Variants in PTPDC1 observed in about 807,000 individuals in gnomAD.
PTPDC1 encodes the protein protein tyrosine phosphatase domain-containing protein 1.
PTPDC1 carries 53 observed loss-of-function variants against 75.3 expected under a neutral mutation model. That is an observed-to-expected ratio of 0.70 (90% CI 0.56 to 0.88). The LOEUF (loss-of-function observed/expected upper bound fraction) is 0.88. Ranked by LOEUF, PTPDC1 falls within the 40% of genes least tolerant of loss-of-function variation. The probability of loss-of-function intolerance (pLI) is 0.00; values close to 1 mark genes in which losing one functional copy is unlikely to be tolerated. For missense variants in PTPDC1, 925 were observed against 998.6 expected, an observed-to-expected ratio of 0.93 and a Z score of 0.99; for synonymous variants, 349 against 366.2, an observed-to-expected ratio of 0.95 and a Z score of 0.54.
intron 1 of PTPDC1, among the ~76,000 whole-genome samples, chr9:94,059,845 A>G (rs528238256): frequency 1.3e-5 from 2 of 152,306 alleles, no homozygotes; most frequent in South Asian, 4.1e-4. Flanking sequence ...GCATCAAAAT[A>G]TATGGACCAG....
chr9:94,065,834 C>G (rs1422004013), intron 2 of PTPDC1, among the ~76,000 whole-genome samples: 5 of 152,190 alleles, frequency 3.3e-5, no homozygotes, highest in African/African-American at 7.2e-5. Context: ...GAAGTACTGT[C>G]TAAAACAAAC....
In PTPDC1 at chr9:94,098,460, T is replaced by C; in HGVS notation, c.1894T>C (p.Ser632Pro). Residue 632 changes from serine (S) to proline (P), a missense_variant, in exon 6 of 9, where the codon TCT becomes CCT. Physicochemically the swap from Ser to Pro is moderately conservative, Grantham distance 74 (BLOSUM62 -1). Transcript: ENST00000620992. ...AGATCTGTCTGAAGCAGCTTCACACTCTGCATTACAGTCTGAATTGAGTGC... is the reference window on the plus strand; with the variant it reads ...AGATCTGTCTGAAGCAGCTTCACACCCTGCATTACAGTCTGAATTGAGTGC... Reference protein sequence around the residue: ...SKDLSEAASHSALQSELSAEA... With the variant: ...SKDLSEAASHPALQSELSAEA... 1.2e-6 allele frequency: 2 copies of C among 1,614,146 alleles called. No homozygotes were observed. Among genetic ancestry groups the C allele is most frequent in the Non-Finnish European group, 1.7e-6 (2 of 1,180,004 alleles).
intron 2 of PTPDC1, among the ~76,000 whole-genome samples, chr9:94,078,036 C>T (rs1169477165): frequency 6.6e-6 from 1 of 152,220 alleles, no homozygotes; most frequent in African/African-American, 2.4e-5. Context: ...AAACACTAAT[C>T]TACTTTCTGT....
chr9:94,102,507 A>G (rs1034972179), intron 7 of PTPDC1, among the ~76,000 whole-genome samples: 1 of 152,094 alleles, frequency 6.6e-6, no homozygotes, highest in Non-Finnish European at 1.5e-5. Context: ...CCTTTTATAT[A>G]ATTTATCATT....
rs775523421 is a variant in PTPDC1, at chr9:94,085,301, C to T, written c.295C>T (p.Arg99Trp). 30 of 1,614,002 alleles carry T rather than the reference C, an allele frequency of 1.9e-5. No homozygotes were observed. The highest frequency in any genetic ancestry group is 8.9e-5 in the East Asian group (4 of 44,898). ...GTACACAAAAGTAGGGGAGCGTTTACGGCATGTCATTCCTGGACACATGGC... is the reference window on the plus strand; with the variant it reads ...GTACACAAAAGTAGGGGAGCGTTTATGGCATGTCATTCCTGGACACATGGC... ...PKYTKVGERL[R>W]HVIPGHMACS... Residue 99 changes from arginine (R) to tryptophan (W), a missense_variant, in exon 2 of 9, where the codon CGG (arginine) becomes TGG (tryptophan). Transcript: ENST00000620992.
chr9:94,031,095 G>C (rs915071213), exon 1 of PTPDC1: 3 of 152,252 alleles, frequency 2.0e-5, no homozygotes, highest in African/African-American at 7.2e-5. Flanking sequence ...ACCCCAGCCG[G>C]CGCCGAGGGC....
chr9:94,063,398 C>T (rs1445706192), intron 1 of PTPDC1, among the ~76,000 whole-genome samples: 1 of 152,204 alleles, frequency 6.6e-6, no homozygotes, highest in African/African-American at 2.4e-5. Context: ...CCTGGAACAA[C>T]TTGTTCCATT....
intron 1 of PTPDC1, among the ~76,000 whole-genome samples, chr9:94,038,731 T>C (rs374795262): frequency 6.6e-6 from 1 of 152,216 alleles, no homozygotes; most frequent in South Asian, 2.1e-4. Flanking sequence ...CTTCACTGTG[T>C]CAGAACCAAG....
At chr9:94,106,211 T>C (rs1828018723) in intron 8 of PTPDC1, among the ~76,000 whole-genome samples, 1 of 152,194 alleles carries the variant, frequency 6.6e-6, no homozygotes, top group South Asian at 2.1e-4. Context: ...TAGAAAATGT[T>C]AGGAGACAGT....
At chr9:94,063,127 C>T (rs1284694193) in intron 1 of PTPDC1, among the ~76,000 whole-genome samples, 2 of 152,196 alleles carry the variant, frequency 1.3e-5, no homozygotes, top group Non-Finnish European at 2.9e-5. Flanking sequence ...CACCAGCATG[C>T]TCTGTCACTC....
At position 94,084,700 on chromosome 9, in the gene PTPDC1, T is replaced by G. The variant is rs772560067; in HGVS notation, c.170T>G (p.Leu57Arg). 1 of 1,613,362 alleles carries G rather than the reference T, an allele frequency of 6.2e-7. No homozygotes were observed. Among genetic ancestry groups the G allele is most frequent in the East Asian group, 2.2e-5 (1 of 44,828 alleles). ...SATKLLSSSS[L>R]QVMVAVSSVS... Reference sequence around the variant, plus strand: ...ACGAAGCTGCTGTCCTCGTCCTCTCTCCAGGTGATGGTGGCTGTTTCCTCA... The same window carrying G: ...ACGAAGCTGCTGTCCTCGTCCTCTCGCCAGGTGATGGTGGCTGTTTCCTCA... Residue 57 changes from leucine (L) to arginine (R), a missense_variant, in exon 1 of 9, where the codon CTC (leucine) becomes CGC (arginine). Leu to Arg is a moderately radical substitution (Grantham distance 102). Coordinates refer to ENST00000620992, the MANE Select transcript of PTPDC1 (RefSeq NM_001253829.2).
chr9:94,064,542 G>C (rs1041082539), intron 1 of PTPDC1, among the ~76,000 whole-genome samples: 2 of 152,050 alleles, frequency 1.3e-5, no homozygotes, highest in Non-Finnish European at 2.9e-5. Flanking sequence ...TGTATTTTTT[G>C]TGTTAAATTT....
At position 94,057,923 on chromosome 9, in the gene PTPDC1, T is replaced by C. The variant is rs1162233348; in HGVS notation, c.-6-6811T>C. Reference sequence around the variant, plus strand: ...ATAAGAGAAATTAGATATTTATTAATACCCTTCTGCCTAAAACAACTAGAA... The same window carrying C: ...ATAAGAGAAATTAGATATTTATTAACACCCTTCTGCCTAAAACAACTAGAA... On this transcript the variant is annotated intron_variant, in intron 1 of 9. Coordinates refer to the PTPDC1 transcript ENST00000375360. Among the ~76,000 whole-genome samples the C allele has an allele frequency of 2.0e-5, 3 of 152,190 alleles. No homozygotes were observed. In the East Asian group the frequency reaches 5.8e-4, roughly 29 times the overall value.
intron 1 of PTPDC1, among the ~76,000 whole-genome samples, chr9:94,038,701 T>G (rs1047805939): frequency 1.3e-5 from 2 of 152,222 alleles, no homozygotes; most frequent in Non-Finnish European, 2.9e-5. Context: ...TGTGAATATA[T>G]TTAAATACTG....
At chr9:94,099,122 CCA>C (rs1827740855) in intron 6 of PTPDC1, among the ~76,000 whole-genome samples, 1 of 152,210 alleles carries the variant, frequency 6.6e-6, no homozygotes, top group Admixed American at 6.5e-5. Context: ...GTGGGTGAAA[CCA>C]CAGATTACTA....
intron 4 of PTPDC1, among the ~76,000 whole-genome samples, chr9:94,093,408 T>C (rs1827405829): frequency 6.8e-6 from 1 of 148,028 alleles, no homozygotes; most frequent in Non-Finnish European, 1.5e-5. Flanking sequence ...TGTTGAATAT[T>C]GGCCCCCACT....
At chr9:94,076,283 C>T (rs960607989) in intron 2 of PTPDC1, among the ~76,000 whole-genome samples, 1 of 152,180 alleles carries the variant, frequency 6.6e-6, no homozygotes, top group Non-Finnish European at 1.5e-5. Context: ...GGATTACAGG[C>T]GTGACCCACT....
At chr9:94,093,928 G>C (rs1827428753) in intron 4 of PTPDC1, among the ~76,000 whole-genome samples, 1 of 151,242 alleles carries the variant, frequency 6.6e-6, no homozygotes, top group Admixed American at 6.6e-5. Flanking sequence ...TTGGTTTTCA[G>C]CTCCATCAGC....
intron 1 of PTPDC1, among the ~76,000 whole-genome samples, chr9:94,037,457 T>C (rs1454459594): frequency 6.6e-6 from 1 of 152,194 alleles, no homozygotes; most frequent in Admixed American, 6.5e-5. Flanking sequence ...CTTTTATATG[T>C]GTACTTATTT....
Sources: gnomAD v4.1 joint callset for allele counts (sites outside exome capture counted in the v4.1 genomes callset) on GRCh38, gnomAD v4.1.1 for gene constraint, MANE v1.5 for transcripts, NCBI Gene and HGNC (gene_info 2026-07-23, HGNC 2026-07-21) for gene names.